SMARCC1: variants seen among roughly 807,000 people sequenced by gnomAD.
SMARCC1 encodes SWI/SNF complex subunit SMARCC1.
Under a neutral mutation model 147.4 loss-of-function variants are expected in SMARCC1, and 43 were observed. That is an observed-to-expected ratio of 0.29 (90% CI 0.23 to 0.38). The LOEUF is 0.38. Ranked by LOEUF, SMARCC1 falls within the 10% of genes least tolerant of loss-of-function variation. The probability of loss-of-function intolerance (pLI) is 1.00; values close to 1 mark genes in which losing one functional copy is unlikely to be tolerated. For missense variants in SMARCC1, 1,119 were observed against 1,381.1 expected, an observed-to-expected ratio of 0.81 and a Z score of 3.01; for synonymous variants, 495 against 484.4, an observed-to-expected ratio of 1.02 and a Z score of -0.29.
At position 47,661,282 on chromosome 3, in the gene SMARCC1, G is replaced by GC; in HGVS notation, c.2320+11dup. The GC allele has an allele frequency of 6.3e-7, 1 of 1,599,022 alleles. No individual in the cohort carries two copies. The highest frequency in any genetic ancestry group is 1.1e-5 in the South Asian group (1 of 88,278). Reference sequence around the variant, plus strand: ...ATATTAACCCTGTCCCTTAAAAGCAGCAGTGACTCACCAAGCTTCTCTGGC... The same window carrying GC: ...ATATTAACCCTGTCCCTTAAAAGCAGCCAGTGACTCACCAAGCTTCTCTGGC... On this transcript the variant is annotated intron_variant, in intron 21 of 27. Transcript: ENST00000254480.
chr3:47,633,916 CAAAG>C, intron 24 of SMARCC1, among the ~76,000 whole-genome samples: 1 of 151,076 alleles, frequency 6.6e-6, no homozygotes, highest in Non-Finnish European at 1.5e-5. Context: ...AGCTCAGAGA[CAAAG>C]AGATGCACAA....
chr3:47,765,460 T>C (rs1018854677), intron 2 of SMARCC1, among the ~76,000 whole-genome samples: 1 of 152,006 alleles, frequency 6.6e-6, no homozygotes, highest in East Asian at 1.9e-4. Context: ...AATAGGAAGT[T>C]GTTTAAAAAA....
chr3:47,695,853 G>C (rs1324874853), intron 11 of SMARCC1, among the ~76,000 whole-genome samples: 1 of 139,950 alleles, frequency 7.1e-6, no homozygotes, highest in African/African-American at 2.7e-5. Context: ...GATCACCTGA[G>C]GTCAGGAGTT....
At chr3:47,723,511 CAACA>C (rs1311894480) in intron 6 of SMARCC1, among the ~76,000 whole-genome samples, 1 of 151,158 alleles carries the variant, frequency 6.6e-6, no homozygotes, top group East Asian at 1.9e-4. Context: ...AACTGAACAA[CAACA>C]AACAATTTAA....
chr3:47,609,451 C>T (rs916270820), intron 26 of SMARCC1, among the ~76,000 whole-genome samples: 4 of 151,566 alleles, frequency 2.6e-5, no homozygotes, highest in Non-Finnish European at 2.9e-5. Flanking sequence ...GAGCCAAGAT[C>T]GCGCCACTGC....
At chr3:47,632,798 G>A (rs1307698045) in intron 24 of SMARCC1, among the ~76,000 whole-genome samples, 5 of 152,078 alleles carry the variant, frequency 3.3e-5, no homozygotes, top group Non-Finnish European at 5.9e-5. Context: ...AAGAAATAAG[G>A]GTTGAGAACT....
Position 47,735,972 on chromosome 3 carries a change from G to T in SMARCC1, c.576+62C>A, listed in dbSNP as rs1232507104. 5 of 721,812 alleles carry T rather than the reference G, an allele frequency of 6.9e-6. No individual in the cohort carries two copies. The African/African-American group carries it at 7.3e-5, about 11-fold the overall frequency. 44.7% of individuals were successfully genotyped at this position (721,812 alleles called of 1,614,324 possible). A position where few individuals can be genotyped will look rare whatever the true frequency, so the allele number is the denominator to read the frequency against. On this transcript the variant is annotated intron_variant, in intron 5 of 27. Transcript: ENST00000254480. ...TTACTATGGTTGTCATTTATTAGAGGCTTACAACTACAAAATGAAGTGATC... is the reference window on the plus strand; with the variant it reads ...TTACTATGGTTGTCATTTATTAGAGTCTTACAACTACAAAATGAAGTGATC...
intron 24 of SMARCC1, among the ~76,000 whole-genome samples, chr3:47,628,606 C>G (rs1264921864): frequency 6.6e-6 from 1 of 152,152 alleles, no homozygotes; most frequent in Non-Finnish European, 1.5e-5. Context: ...CAGAGTTTCA[C>G]TCTGTCCCCA....
At chr3:47,653,610 G>A (rs959616456) in intron 21 of SMARCC1, among the ~76,000 whole-genome samples, 1 of 152,166 alleles carries the variant, frequency 6.6e-6, no homozygotes, top group Non-Finnish European at 1.5e-5. Flanking sequence ...ATTTTGTTGA[G>A]CCAATTCCCA....
intron 19 of SMARCC1, among the ~76,000 whole-genome samples, chr3:47,667,113 C>T (rs1398561947): frequency 2.0e-5 from 3 of 151,966 alleles, no homozygotes; most frequent in Non-Finnish European, 4.4e-5. Flanking sequence ...GTCAGGAGAT[C>T]GAGACCATCC....
Position 47,720,750 on chromosome 3 carries a change from GA to G in SMARCC1, c.647-16del. The G allele has an allele frequency of 4.4e-6, 7 of 1,579,164 alleles. No homozygotes were observed. Among genetic ancestry groups the G allele is most frequent in the Non-Finnish European group, 6.1e-6 (7 of 1,154,274 alleles). On this transcript the variant is annotated splice_polypyrimidine_tract_variant and intron_variant, in intron 6 of 27. Coordinates refer to ENST00000254480, the MANE Select transcript of SMARCC1 (RefSeq NM_003074.4). The stretch of plus-strand genomic sequence containing the variant: ...CAACCATTCTTCTGGAAGAGAAAAA[GA>G]AACAACTTTACTCAAACTGACAAAA...
At chr3:47,757,729 A>G (rs2034718053) in intron 2 of SMARCC1, among the ~76,000 whole-genome samples, 1 of 150,982 alleles carries the variant, frequency 6.6e-6, no homozygotes. Flanking sequence ...GCTTGCAGTG[A>G]GCCGAGATCC....
intron 15 of SMARCC1, among the ~76,000 whole-genome samples, chr3:47,679,698 C>T (rs565340173): frequency 5.3e-5 from 8 of 151,894 alleles, no homozygotes; most frequent in African/African-American, 1.4e-4. Context: ...CCAATCTCTA[C>T]TAAAAATACA....
intron 19 of SMARCC1, among the ~76,000 whole-genome samples, chr3:47,667,838 C>T (rs964751092): frequency 6.6e-6 from 1 of 152,126 alleles, no homozygotes; most frequent in Non-Finnish European, 1.5e-5. Flanking sequence ...GATCATGTCA[C>T]TGCACTCCAG....
At chr3:47,695,782 A>G (rs1309587784) in intron 11 of SMARCC1, among the ~76,000 whole-genome samples, 8 of 145,110 alleles carry the variant, frequency 5.5e-5, no homozygotes, top group African/African-American at 2.1e-4. Flanking sequence ...AAAAAAAAAA[A>G]AGTTGGACGC....
At chr3:47,686,872 C>T (rs556105934) in intron 13 of SMARCC1, among the ~76,000 whole-genome samples, 1 of 152,184 alleles carries the variant, frequency 6.6e-6, no homozygotes, top group East Asian at 1.9e-4. Context: ...GTAGTCCCAG[C>T]TACTTTAGAG....
chr3:47,606,806 C>T (rs1025871014), intron 26 of SMARCC1, among the ~76,000 whole-genome samples: 3 of 151,842 alleles, frequency 2.0e-5, no homozygotes, highest in African/African-American at 7.3e-5. Context: ...CTCCTGGGCT[C>T]AAGTGATCCT....
intron 24 of SMARCC1, among the ~76,000 whole-genome samples, chr3:47,625,800 A>C (rs1313777475): frequency 6.6e-6 from 1 of 152,188 alleles, no homozygotes; most frequent in Non-Finnish European, 1.5e-5. Flanking sequence ...AAAAGCACAA[A>C]TGATAAAAGA....
intron 2 of SMARCC1, among the ~76,000 whole-genome samples, chr3:47,751,297 C>A (rs2034625688): frequency 6.6e-6 from 1 of 152,082 alleles, no homozygotes; most frequent in Non-Finnish European, 1.5e-5. Flanking sequence ...AATCCCAACA[C>A]TTTGGAAGGC....
Sources: gnomAD v4.1 joint callset for allele counts (sites outside exome capture counted in the v4.1 genomes callset) on GRCh38, gnomAD v4.1.1 for gene constraint, MANE v1.5 for transcripts, NCBI Gene and HGNC (gene_info 2026-07-23, HGNC 2026-07-21) for gene names.